NLRP1: variants seen among roughly 807,000 people sequenced by gnomAD.
NLRP1 encodes the protein NLR family pyrin domain containing 1.
A neutral mutation model predicts 136.7 loss-of-function variants in NLRP1; 94 were observed. The ratio of observed to expected loss-of-function variants is 0.69; its 90% CI spans 0.58 to 0.82. The LOEUF (loss-of-function observed/expected upper bound fraction) is 0.82, where lower values mean the gene tolerates loss of function less well. Ranked by LOEUF, NLRP1 falls within the 40% of genes least tolerant of loss-of-function variation. NLRP1 has a pLI of 0.00. For missense variants in NLRP1, 1,575 were observed against 1,802.7 expected, an observed-to-expected ratio of 0.87 and a Z score of 2.29; for synonymous variants, 690 against 725.1, an observed-to-expected ratio of 0.95 and a Z score of 0.78.
intron 3 of NLRP1, among the ~76,000 whole-genome samples, chr17:5,574,227 T>C (rs1417996303): frequency 6.6e-6 from 1 of 151,802 alleles, no homozygotes; most frequent in African/African-American, 2.4e-5. Context: ...ACCAAATGAA[T>C]GAAATGAAGG....
downstream of NLRP1, among the ~76,000 whole-genome samples, chr17:5,511,371 G>T (rs977099205): frequency 4.0e-5 from 6 of 151,656 alleles, no homozygotes; most frequent in Admixed American, 1.3e-4. Context: ...GGTGGAGGTT[G>T]CAGTGAGTGC....
At chr17:5,545,523 GAC>G (rs1310774601) in intron 5 of NLRP1, among the ~76,000 whole-genome samples, 1 of 105,908 alleles carries the variant, frequency 9.4e-6, no homozygotes, top group Non-Finnish European at 1.9e-5. Context: ...TACACACACA[GAC>G]ACAGACACAG....
chr17:5,583,811 A>G lies in NLRP1; in HGVS notation c.147T>C (p.Ser49=). ...GETPAQPEKT[S]GMEVASYLVA... ...CCAGGTACGAGGCCACCTCCATGCC[A>G]CTCGTCTTCTCTGGCTGAGCGGGTG... The change falls in exon 1 of 17, where the codon AGT becomes AGC. Residue 49 remains serine, a synonymous_variant. Coordinates refer to ENST00000572272, the MANE Select transcript of NLRP1 (RefSeq NM_033004.4). The surrounding 1 kb of genome is among the most constrained non-coding windows in gnomAD (Gnocchi z 4.5). The G allele has an allele frequency of 6.4e-7, 1 of 1,560,308 alleles. No homozygotes were observed. Among genetic ancestry groups the G allele is most frequent in the Non-Finnish European group, 8.7e-7 (1 of 1,151,118 alleles).
chr17:5,556,111 T>TA lies in NLRP1; in HGVS notation c.2357+2227_2357+2228insT, dbSNP rs1263822879. Among the ~76,000 whole-genome samples, 564 of 131,296 alleles carry TA rather than the reference T, an allele frequency of 4.3e-3. 4 individuals carry two copies. The highest frequency in any genetic ancestry group is 0.013 in the East Asian group (52 of 4,080). 86.1% of individuals were successfully genotyped at this position (131,296 alleles called of 152,430 possible). On this transcript the variant is annotated intron_variant, in intron 4 of 16. Coordinates refer to ENST00000572272, the MANE Select transcript of NLRP1 (RefSeq NM_033004.4). The stretch of plus-strand genomic sequence containing the variant: ...CTGTCTGTCTCTGTCTCTGTCTCTC[T>TA]CTCTACACACACACACACACACACA...
In NLRP1 at chr17:5,541,684, T is replaced by G. The variant is rs980589367; in HGVS notation, c.2699+173A>C. 6.6e-6 allele frequency among the ~76,000 whole-genome samples: 1 copy of G among 152,136 alleles called. No individual in the cohort carries two copies. Among genetic ancestry groups the G allele is most frequent in the Non-Finnish European group, 1.5e-5 (1 of 68,006 alleles). ...ATTTGGAGCCTGGAGGCCCCCTCCC[T>G]CTGTCCAAGGGTGGATGAGCTTCCT... On this transcript the variant is annotated intron_variant, in intron 6 of 16. Transcript: ENST00000572272. This position sits in a 1 kb window ranked among gnomAD's most constrained non-coding sequence, Gnocchi z 4.2.
rs201839151 is a variant in NLRP1 at position 5,514,624 on chromosome 17, C to A, written c.*130G>T. 84 of 1,482,636 alleles carry A rather than the reference C, an allele frequency of 5.7e-5. 1 individual carries two copies. In the Middle Eastern group the frequency reaches 4.9e-3, roughly 87 times the overall value. 91.8% of individuals were successfully genotyped at this position (1,482,636 alleles called of 1,614,324 possible). A position where few individuals can be genotyped will look rare whatever the true frequency, so the allele number is the denominator to read the frequency against. On this transcript the variant is annotated 3_prime_UTR_variant, in exon 17 of 17. Coordinates refer to ENST00000572272, the MANE Select transcript of NLRP1 (RefSeq NM_033004.4). Reference sequence around the variant, plus strand: ...GACACATAATGCCCAGCAAAGGCATCATCAAAGTTCCATTACTTTAGTGCT... The same window carrying A: ...GACACATAATGCCCAGCAAAGGCATAATCAAAGTTCCATTACTTTAGTGCT...
At chr17:5,581,792 G>C in intron 3 of NLRP1, 67 bp downstream of exon 3, 1 of 1,297,824 alleles carries the variant, frequency 7.7e-7, no homozygotes, top group South Asian at 1.2e-5. Flanking sequence ...GGTCCCCAGG[G>C]GACTCTTTGT....
intron 15 of NLRP1, among the ~76,000 whole-genome samples, chr17:5,517,242 G>A (rs1428187346): frequency 6.7e-6 from 1 of 150,064 alleles, no homozygotes; most frequent in African/African-American, 2.4e-5. Context: ...ATTGAGTCAA[G>A]TTTAAATTCT....
chr17:5,531,279 G>A (rs1216071574), intron 11 of NLRP1, among the ~76,000 whole-genome samples: 2 of 151,974 alleles, frequency 1.3e-5, no homozygotes, highest in East Asian at 1.9e-4. Flanking sequence ...GCAGTGGCCC[G>A]ATCTTGGTTC....
intron 13 of NLRP1, 93 bp from the exon 14 acceptor site, chr17:5,521,105 G>C (rs1316631360): frequency 7.7e-7 from 1 of 1,301,006 alleles, no homozygotes; most frequent in Non-Finnish European, 1.1e-6. Flanking sequence ...TGTTTGTGTG[G>C]ACAGAGTGGG....
intron 3 of NLRP1, among the ~76,000 whole-genome samples, chr17:5,565,736 G>A (rs1915260646): frequency 6.6e-6 from 1 of 152,128 alleles, no homozygotes; most frequent in Non-Finnish European, 1.5e-5. Context: ...TTTTTTCGGA[G>A]TAGTTTCAGT....
intron 3 of NLRP1, among the ~76,000 whole-genome samples, chr17:5,581,207 T>TG (rs1905600119): frequency 1.3e-5 from 2 of 152,350 alleles, no homozygotes; most frequent in African/African-American, 4.8e-5. Context: ...CAGGAGCCTC[T>TG]GTACCTGTGG....
chr17:5,559,706 G>A lies in NLRP1; in HGVS notation c.990C>T (p.Val330=). The A allele has an allele frequency of 6.2e-7, 1 of 1,614,262 alleles. No homozygotes were observed. Among genetic ancestry groups the A allele is most frequent in the South Asian group, 1.1e-5 (1 of 91,080 alleles). ...PGLDTQEPRI[V]ILQGAAGIGK... ...CAATTCCAGCAGCCCCCTGCAGTAT[G>A]ACTATGCGAGGTTCTTGGGTATCCA... Residue 330 remains valine (V), a synonymous_variant, in exon 4 of 17, where the codon GTC becomes GTT. Coordinates refer to ENST00000572272, the MANE Select transcript of NLRP1 (RefSeq NM_033004.4).
intron 5 of NLRP1, among the ~76,000 whole-genome samples, chr17:5,542,990 C>A (rs908370959): frequency 1.3e-5 from 2 of 152,086 alleles, no homozygotes; most frequent in African/African-American, 4.8e-5. Context: ...CCACCATGCC[C>A]GGCTAATTTT....
Position 5,514,178 on chromosome 17 carries a change from C to T in NLRP1, c.*576G>A, listed in dbSNP as rs1907813155. 6.5e-6 allele frequency: 1 copy of T among 154,022 alleles called. No homozygotes were observed. The highest frequency in any genetic ancestry group is 2.1e-4 in the South Asian group (1 of 4,856). The allele number at this position is 154,022 out of a possible 1,614,324, so 9.5% of individuals were successfully genotyped here. On this transcript the variant is annotated 3_prime_UTR_variant, in exon 17 of 17. Coordinates refer to ENST00000572272, the MANE Select transcript of NLRP1 (RefSeq NM_033004.4). Reference sequence around the variant, plus strand: ...TTTTCTTTTTTGTATTTTTTTAATTCTTAAATTTAAGTAAAAAATTTTTAA... The same window carrying T: ...TTTTCTTTTTTGTATTTTTTTAATTTTTAAATTTAAGTAAAAAATTTTTAA...
intron 5 of NLRP1, among the ~76,000 whole-genome samples, chr17:5,552,525 C>T (rs1195161942): frequency 1.3e-5 from 2 of 152,144 alleles, no homozygotes; most frequent in African/African-American, 2.4e-5. Context: ...ATTCCACCCC[C>T]CAATCACTTT....
chr17:5,517,923 A>G, intron 14 of NLRP1, 36 bp from the exon 15 acceptor site: 1 of 1,610,788 alleles, frequency 6.2e-7, no homozygotes, highest in Non-Finnish European at 8.5e-7. Flanking sequence ...CACCCTGTTC[A>G]TCTTGCATGG....
At chr17:5,561,476 G>A (rs11653202) in intron 3 of NLRP1, among the ~76,000 whole-genome samples, 20,568 of 45,258 alleles carry the variant, frequency 0.45, 6,927 homozygotes, top group East Asian at 0.85. Flanking sequence ...TCGCTCTGTC[G>A]CCCAGGCCGG....
In NLRP1 at chr17:5,521,694, T is replaced by C. The variant is rs144843601; in HGVS notation, c.3613A>G (p.Ile1205Val). 9.3e-6 allele frequency: 15 copies of C among 1,613,604 alleles called. No individual in the cohort carries two copies. In the African/African-American group the frequency reaches 1.6e-4, roughly 17 times the overall value. The stretch of plus-strand genomic sequence containing the variant: ...GAGAAGCTGGGGTTTTCCAGAACTA[T>C]GTGATGCAGCTCCACCCTGGCTGGC... The part of the protein sequence containing the change: ...EKPARVELHH[I>V]VLENPSFSPL... Residue 1205 changes from isoleucine to valine, a missense_variant, in exon 13 of 17, where the codon ATA (isoleucine) becomes GTA (valine). Physicochemically the swap from Ile to Val is conservative, Grantham distance 29. Coordinates refer to ENST00000572272, the MANE Select transcript of NLRP1 (RefSeq NM_033004.4).
Sources: gnomAD v4.1 joint callset for allele counts (sites outside exome capture counted in the v4.1 genomes callset) on GRCh38, gnomAD v4.1.1 for gene constraint, Gnocchi (gnomAD v3.1) non-coding constraint, MANE v1.5 for transcripts, NCBI Gene and HGNC (gene_info 2026-07-23, HGNC 2026-07-21) for gene names.